The following KMT2C variants were observed in gnomAD, a reference collection of about 807,000 sequenced individuals.
KMT2C encodes lysine methyltransferase 2C.
Under a neutral mutation model 507.9 loss-of-function variants are expected in KMT2C, and 88 were observed. The ratio of observed to expected loss-of-function variants is 0.17; its 90% CI spans 0.15 to 0.21. KMT2C has a LOEUF of 0.21. Among genes scored for constraint, KMT2C ranks in the 10% least tolerant of loss-of-function variants. The pLI, the probability that KMT2C is intolerant of heterozygous loss-of-function variation, is 1.00. For missense variants in KMT2C, 4,954 were observed against 5,957.8 expected (o/e 0.83, Z 5.55); for synonymous variants, 2,049 against 2,080.8 (o/e 0.98, Z 0.42).
intron 34 of KMT2C, among the ~76,000 whole-genome samples, chr7:152,185,161 AAG>A (rs1158529152): frequency 6.6e-6 from 1 of 152,232 alleles, no homozygotes; most frequent in Admixed American, 6.5e-5. Context: ...TGACAAGGGA[AAG>A]AGTCTGTACA....
At chr7:152,358,518 G>T in intron 2 of KMT2C, 69 bp downstream of exon 2, 1 of 930,088 alleles carries the variant, frequency 1.1e-6, no homozygotes, top group Non-Finnish European at 1.7e-6. Flanking sequence ...TTATACAAAT[G>T]CTACATGCAG....
At chr7:152,281,595 G>T (rs1033591711) in intron 6 of KMT2C, among the ~76,000 whole-genome samples, 33 of 152,216 alleles carry the variant, frequency 2.2e-4, no homozygotes, top group African/African-American at 7.7e-4. Flanking sequence ...AGCTGGGCCT[G>T]GTGGCAGGCG....
chr7:152,227,919 T>C (rs986411366), intron 18 of KMT2C, among the ~76,000 whole-genome samples: 2 of 152,254 alleles, frequency 1.3e-5, no homozygotes, highest in East Asian at 3.9e-4. Flanking sequence ...CAGAATTCAG[T>C]AGTGATCCCA....
At chr7:152,218,879 TCAA>T in intron 23 of KMT2C, among the ~76,000 whole-genome samples, 1 of 152,258 alleles carries the variant, frequency 6.6e-6, no homozygotes, top group Non-Finnish European at 1.5e-5. Context: ...TCTCAGGTAA[TCAA>T]GTGGCTCACT....
intron 49 of KMT2C, 131 bp downstream of exon 49, chr7:152,152,574 G>C: frequency 9.1e-7 from 1 of 1,098,492 alleles, no homozygotes; most frequent in South Asian, 1.5e-5. Context: ...CCCACACATG[G>C]TAAGTTCACC....
intron 1 of KMT2C, among the ~76,000 whole-genome samples, chr7:152,409,380 A>G (rs1036989765): frequency 6.7e-6 from 1 of 149,956 alleles, no homozygotes; most frequent in Non-Finnish European, 1.5e-5. Flanking sequence ...TTCTAATGTA[A>G]TTAAATTCTG....
At chr7:152,196,624 C>A (rs1244037651) in intron 27 of KMT2C, among the ~76,000 whole-genome samples, 1 of 152,218 alleles carries the variant, frequency 6.6e-6, no homozygotes, top group African/African-American at 2.4e-5. Context: ...CCTCAGAGGG[C>A]TTACTTTCTC....
chr7:152,414,210 A>T (rs533820559), intron 1 of KMT2C, among the ~76,000 whole-genome samples: 29,433 of 137,276 alleles, frequency 0.21, 2,982 homozygotes, highest in African/African-American at 0.27. Context: ...ACTCTGTTTC[A>T]AAAAAAAAAA....
At chr7:152,336,994 A>T (rs1454420081) in intron 2 of KMT2C, among the ~76,000 whole-genome samples, 1 of 152,176 alleles carries the variant, frequency 6.6e-6, no homozygotes, top group Non-Finnish European at 1.5e-5. Flanking sequence ...AACTATACTA[A>T]GGAACCTAAT....
rs372803417 is a variant in KMT2C, at chr7:152,310,054, C to T, written c.761G>A (p.Arg254His). ...DSTGTCWAHH[R>H]CVEWSLGVCQ... is the part of the protein sequence containing the mutation. ...TACTCCTAGTGACCACTCCACACAA[C>T]GGTGATGAGCCCAACAAGTGCCTAA... The change falls in exon 6 of 59, where the codon CGT (arginine) becomes CAT (histidine). Residue 254 changes from arginine to histidine, a missense_variant. This residue lies in a region of KMT2C where 233 missense variants were observed against 263.6 expected (regional missense o/e 0.88). Transcript: ENST00000262189. The T allele has an allele frequency of 5.0e-6, 8 of 1,612,426 alleles. No homozygotes were observed. The highest frequency in any genetic ancestry group is 4.0e-5 in the African/African-American group (3 of 74,754).
chr7:152,293,504 G>A (rs1563753529), intron 6 of KMT2C, among the ~76,000 whole-genome samples: 1 of 152,098 alleles, frequency 6.6e-6, no homozygotes, highest in Non-Finnish European at 1.5e-5. Context: ...GTTTCCTACA[G>A]GCAAAGAATT....
chr7:152,413,907 AAAGTCAT>A, intron 1 of KMT2C, among the ~76,000 whole-genome samples: 1 of 145,670 alleles, frequency 6.9e-6, no homozygotes, highest in East Asian at 2.0e-4. Context: ...AAAATTTACA[AAAGTCAT>A]TTAGAAAATG....
chr7:152,303,002 T>C (rs559101295), intron 6 of KMT2C, among the ~76,000 whole-genome samples: 33 of 152,146 alleles, frequency 2.2e-4, no homozygotes, highest in Admixed American at 6.5e-4. Context: ...AGAATGAAAA[T>C]ATTCCCTCAG....
intron 1 of KMT2C, among the ~76,000 whole-genome samples, chr7:152,372,279 CTGAG>C (rs758593551): frequency 3.3e-5 from 5 of 152,106 alleles, no homozygotes; most frequent in Non-Finnish European, 7.3e-5. Flanking sequence ...CCTCAGCCTC[CTGAG>C]TAACTGGGAT....
At chr7:152,330,821 G>C (rs1589237891) in intron 2 of KMT2C, 82 bp from the exon 3 acceptor site, 2 of 1,263,922 alleles carry the variant, frequency 1.6e-6, no homozygotes, top group Non-Finnish European at 2.2e-6. Flanking sequence ...ATAAAGCATA[G>C]GTCATAATGT....
At position 152,231,940 on chromosome 7, in the gene KMT2C, T is replaced by G. The variant is rs796511948; in HGVS notation, c.2770-1619A>C. Among the ~76,000 whole-genome samples, 7 of 129,132 alleles carry G rather than the reference T, an allele frequency of 5.4e-5. No homozygotes were observed. The East Asian group carries it at 1.3e-3, about 23-fold the overall frequency. The allele number at this position is 129,132 out of a possible 152,430, so 84.7% of individuals were successfully genotyped here. ...TGTCGCCCAGGCTGGAGTGCAGTGG[T>G]GCAGTCTCGGCTCAGTGCAAGCTCT... On this transcript the variant is annotated intron_variant, in intron 16 of 58. Transcript: ENST00000262189.
intron 6 of KMT2C, among the ~76,000 whole-genome samples, chr7:152,288,676 A>C (rs2096351952): frequency 6.6e-6 from 1 of 152,226 alleles, no homozygotes; most frequent in Non-Finnish European, 1.5e-5. Context: ...GAAGACCCAC[A>C]GATTCAAGAA....
Position 152,381,286 on chromosome 7 carries a change from G to A in KMT2C, c.162-22611C>T, listed in dbSNP as rs1589603845. ...GAACAATGGTTCTTAACTGGGGAGA[G>A]GGAGTAATTTTTGCTCCCCAAGGGA... On this transcript the variant is annotated intron_variant, in intron 1 of 58. Transcript: ENST00000262189. Among the ~76,000 whole-genome samples the A allele has an allele frequency of 2.6e-5, 4 of 151,604 alleles. No individual in the cohort carries two copies. The South Asian group carries it at 8.4e-4, about 32-fold the overall frequency.
intron 3 of KMT2C, among the ~76,000 whole-genome samples, chr7:152,327,212 C>A (rs1475958056): frequency 6.6e-6 from 1 of 152,186 alleles, no homozygotes; most frequent in Non-Finnish European, 1.5e-5. Context: ...TATTGAGTGA[C>A]CTATTCTTTT....
Sources: allele counts gnomAD v4.1 joint callset (sites outside exome capture counted in the v4.1 genomes callset), GRCh38; gene constraint gnomAD v4.1.1; regional missense constraint gnomAD v4.1.1; transcripts MANE v1.5; gene names NCBI Gene and HGNC (gene_info 2026-07-23, HGNC 2026-07-21).